Variants in MBD5 observed in about 807,000 individuals in gnomAD.
MBD5 encodes methyl-CpG-binding domain protein 5.
A neutral mutation model predicts 117.3 loss-of-function variants in MBD5; 13 were observed. That is an observed-to-expected ratio of 0.11 (90% CI 0.07 to 0.18). The LOEUF (loss-of-function observed/expected upper bound fraction) is 0.18, where lower values mean the gene tolerates loss of function less well. MBD5 is among the 10% of genes least tolerant of loss of function. The pLI is 1.00. For missense variants in MBD5, 1,879 were observed against 2,093.8 expected (o/e 0.90, Z 2.00); for synonymous variants, 727 against 766.4 (o/e 0.95, Z 0.85).
At chr2:148,095,352 T>C (rs1574007971) in intron 1 of MBD5, among the ~76,000 whole-genome samples, 3 of 152,292 alleles carry the variant, frequency 2.0e-5, no homozygotes, top group Admixed American at 2.0e-4. Context: ...CTACATTAGA[T>C]ATTATAGGAA....
intron 4 of MBD5, among the ~76,000 whole-genome samples, chr2:148,417,823 G>A (rs1203999203): frequency 1.3e-5 from 2 of 151,356 alleles, no homozygotes; most frequent in Non-Finnish European, 2.9e-5. Context: ...TTTTTGTGCG[G>A]GGGGGTGTTT....
At chr2:148,366,120 C>T (rs1008867188) in intron 4 of MBD5, among the ~76,000 whole-genome samples, 4 of 152,086 alleles carry the variant, frequency 2.6e-5, no homozygotes, top group African/African-American at 9.7e-5. Flanking sequence ...TCAGAAAGCT[C>T]ATCCACCATG....
intron 1 of MBD5, among the ~76,000 whole-genome samples, chr2:148,095,696 C>A (rs1696051574): frequency 6.6e-6 from 1 of 151,246 alleles, no homozygotes; most frequent in African/African-American, 2.4e-5. Flanking sequence ...TGTATAATAC[C>A]TATTTTAAAA....
chr2:148,216,922 T>C (rs1291055075), intron 2 of MBD5, among the ~76,000 whole-genome samples: 1 of 152,192 alleles, frequency 6.6e-6, no homozygotes, highest in Non-Finnish European at 1.5e-5. Context: ...CCATCCAAAA[T>C]ATTAGAGATG....
chr2:148,130,233 CTT>C (rs1697004410), intron 1 of MBD5, among the ~76,000 whole-genome samples: 1 of 152,040 alleles, frequency 6.6e-6, no homozygotes, highest in Non-Finnish European at 1.5e-5. Flanking sequence ...TTTAAATAAA[CTT>C]TATCTTCCAT....
In MBD5 at chr2:148,470,142, T is replaced by A; in HGVS notation, c.2199T>A (p.Ser733=). 6.2e-7 allele frequency: 1 copy of A among 1,613,948 alleles called. No individual in the cohort carries two copies. Among genetic ancestry groups the A allele is most frequent in the Non-Finnish European group, 8.5e-7 (1 of 1,179,894 alleles). The change falls in exon 8 of 14, where the codon TCT becomes TCA. Residue 733 remains serine (S), a synonymous_variant. Coordinates refer to ENST00000642680, the MANE Select transcript of MBD5 (RefSeq NM_001378120.1). ...CGASNTALPC[S]ANQLHFTDPS... is the part of the protein sequence containing the mutation. ...CCTCAAATACTGCTTTGCCTTGCTC[T>A]GCTAACCAGCTGCATTTTACAGATC...
chr2:148,297,084 C>T (rs573590062), intron 3 of MBD5, among the ~76,000 whole-genome samples: 2 of 151,808 alleles, frequency 1.3e-5, no homozygotes, highest in African/African-American at 4.8e-5. Context: ...GGGGTTTCAC[C>T]GTGTTGGCCA....
At chr2:148,063,217 A>G (rs1327418224) in intron 1 of MBD5, among the ~76,000 whole-genome samples, 2 of 152,156 alleles carry the variant, frequency 1.3e-5, no homozygotes, top group Admixed American at 1.3e-4. Context: ...GCTTCATCAC[A>G]ATTTAAGTCA....
chr2:148,133,737 C>T (rs1158478874), intron 1 of MBD5, among the ~76,000 whole-genome samples: 7 of 152,182 alleles, frequency 4.6e-5, no homozygotes, highest in Middle Eastern at 3.4e-3. Context: ...GCCGGAGAAT[C>T]GCTTGAACCC....
intron 3 of MBD5, among the ~76,000 whole-genome samples, chr2:148,325,775 T>TA (rs976249681): frequency 2.2e-4 from 33 of 152,254 alleles, no homozygotes; most frequent in Admixed American, 4.6e-4. Context: ...GTTGATCCTT[T>TA]AAAAAAACCA....
intron 1 of MBD5, among the ~76,000 whole-genome samples, chr2:148,099,829 T>G (rs1558925145): frequency 6.6e-6 from 1 of 152,196 alleles, no homozygotes. Flanking sequence ...AAGGTCTACT[T>G]TTTCAGTCCA....
chr2:148,265,633 A>G (rs1182524971), intron 3 of MBD5, among the ~76,000 whole-genome samples: 1 of 152,176 alleles, frequency 6.6e-6, no homozygotes, highest in East Asian at 1.9e-4. Flanking sequence ...AATATAACAC[A>G]TTTTAAAGGC....
In MBD5 at chr2:148,489,512, C is replaced by T. The variant is rs1406167231; in HGVS notation, c.3880C>T (p.Pro1294Ser). The change falls in exon 11 of 14, where the codon CCG becomes TCG. Residue 1294 changes from proline (P) to serine (S), a missense_variant. Coordinates refer to ENST00000642680, the MANE Select transcript of MBD5 (RefSeq NM_001378120.1). Reference protein sequence around the residue: ...PFQDTPCELQPRIDPSLGQQV... With the variant: ...PFQDTPCELQSRIDPSLGQQV... ...TCAAGATACACCTTGTGAGTTGCAA[C>T]CGAGGATTGACCCATCTCTTGGTCA... 6.2e-7 allele frequency: 1 copy of T among 1,614,188 alleles called. No homozygotes were observed.
chr2:148,399,704 G>A (rs1407133675), intron 4 of MBD5, among the ~76,000 whole-genome samples: 5 of 152,096 alleles, frequency 3.3e-5, no homozygotes, highest in Admixed American at 6.5e-5. Flanking sequence ...AATAGGAGTG[G>A]TGAGAGAGGG....
chr2:148,338,524 G>A (rs1044353679), intron 3 of MBD5, among the ~76,000 whole-genome samples: 3 of 152,096 alleles, frequency 2.0e-5, no homozygotes, highest in African/African-American at 4.8e-5. Flanking sequence ...AAGTGCAGAA[G>A]GAGCACAAAA....
At chr2:148,485,646 A>C (rs1437808296) in intron 9 of MBD5, 96 bp from the exon 10 acceptor site, 1 of 900,374 alleles carries the variant, frequency 1.1e-6, no homozygotes, top group Non-Finnish European at 1.8e-6. Context: ...TAAGCATAGC[A>C]CTTAGTTTCT....
chr2:148,212,495 T>C (rs10497032), intron 2 of MBD5, among the ~76,000 whole-genome samples: 94,221 of 152,082 alleles, frequency 0.62, 31,119 homozygotes, highest in East Asian at 0.8. Context: ...GAGTCCATTC[T>C]TTTTGAATCA....
At chr2:148,219,516 G>C (rs1699633387) in intron 2 of MBD5, among the ~76,000 whole-genome samples, 1 of 152,000 alleles carries the variant, frequency 6.6e-6, no homozygotes, top group African/African-American at 2.4e-5. Context: ...ATTGATAGTT[G>C]ACCAAAACAA....
At chr2:148,457,200 T>C (rs1203856325) in intron 4 of MBD5, among the ~76,000 whole-genome samples, 1 of 152,152 alleles carries the variant, frequency 6.6e-6, no homozygotes, top group East Asian at 1.9e-4. Flanking sequence ...ATTTAAATTG[T>C]TTGAAATATA....
Sources: allele counts gnomAD v4.1 joint callset (sites outside exome capture counted in the v4.1 genomes callset), GRCh38; gene constraint gnomAD v4.1.1; transcripts MANE v1.5; gene names NCBI Gene and HGNC (gene_info 2026-07-23, HGNC 2026-07-21).